DCAF1: variants seen among roughly 807,000 people sequenced by gnomAD.
DCAF1 encodes DDB1- and CUL4-associated factor 1.
In DCAF1, 15 loss-of-function variants were observed where a neutral mutation model predicts 128.0. The observed-to-expected ratio is 0.12, with a 90% CI of 0.08 to 0.18. The LOEUF is 0.18. DCAF1 is among the 10% of genes least tolerant of loss of function. The pLI, the probability that DCAF1 is intolerant of heterozygous loss-of-function variation, is 1.00. For synonymous variants in DCAF1, 610 were observed against 603.0 expected (o/e 1.01, Z -0.17); for missense variants, 988 against 1,649.5 (o/e 0.60, Z 6.95).
At chr3:51,446,892 G>A (rs4549265) in intron 6 of DCAF1, among the ~76,000 whole-genome samples, 5,718 of 149,848 alleles carry the variant, frequency 0.038, 387 homozygotes, top group African/African-American at 0.13. Flanking sequence ...CCCGGAAGGT[G>A]GAGATTGCAG....
upstream of DCAF1, chr3:51,500,118 A>G (rs1553663635): frequency 0.012 from 41 of 3,520 alleles, no homozygotes; most frequent in Non-Finnish European, 0.02. Context: ...CGATCGGGGA[A>G]AAAAAAAAAA....
intron 9 of DCAF1, chr3:51,436,283 T>A: frequency 2.7e-6 from 1 of 372,560 alleles, no homozygotes; most frequent in Non-Finnish European, 5.4e-6. Context: ...GAGATACATG[T>A]TACTCAGCAG....
intron 9 of DCAF1, among the ~76,000 whole-genome samples, chr3:51,436,998 C>T (rs1485698273): frequency 6.6e-6 from 1 of 152,180 alleles, no homozygotes; most frequent in Non-Finnish European, 1.5e-5. Context: ...TGCAGCGGCT[C>T]ACGCCTTTAA....
intron 3 of DCAF1, among the ~76,000 whole-genome samples, chr3:51,477,645 G>A (rs1340334812): frequency 1.3e-5 from 2 of 151,930 alleles, no homozygotes; most frequent in Admixed American, 6.6e-5. Flanking sequence ...TCAAAACCCA[G>A]GATTCTAACC....
At chr3:51,403,747 G>A (rs1342289404) in intron 23 of DCAF1, among the ~76,000 whole-genome samples, 1 of 152,144 alleles carries the variant, frequency 6.6e-6, no homozygotes, top group African/African-American at 2.4e-5. Flanking sequence ...AATCAGCTGA[G>A]ACACTAGAAA....
rs1553629023 is a variant in DCAF1, at chr3:51,413,047, C to T, written c.4056G>A (p.Arg1352=). 1.2e-6 allele frequency: 2 copies of T among 1,613,930 alleles called. No individual in the cohort carries two copies. Among genetic ancestry groups the T allele is most frequent in the Admixed American group, 3.3e-5 (2 of 60,016 alleles). Residue 1352 remains arginine (R), a synonymous_variant, in exon 22 of 25, where the codon CGG becomes CGA. Coordinates refer to ENST00000684031, the MANE Select transcript of DCAF1 (RefSeq NM_001387579.1). ...TGTCTGTACACAGGTCAAAGATGTT[C>T]CGTTTCACATCAATGGTTGCTGGAA... ...YKPIATIDVK[R]NIFDLCTDTK... is the part of the protein sequence containing the mutation.
Position 51,473,425 on chromosome 3 carries a change from CTTT to C in DCAF1, c.111-2423_111-2421del, listed in dbSNP as rs782196520. 8.2e-3 allele frequency among the ~76,000 whole-genome samples: 607 copies of C among 74,126 alleles called. 4 individuals carry two copies. The highest frequency in any genetic ancestry group is 0.03 in the African/African-American group (573 of 18,944). The allele number at this position is 74,126 out of a possible 152,430, so 48.6% of individuals were successfully genotyped here. On this transcript the variant is annotated intron_variant, in intron 3 of 24. Transcript: ENST00000684031. ...TTTCCAGGACACTATACTTTCTAGTCTTTTTTTTTTTTTTTTTTTTTAAGAAAC... is the reference window on the plus strand; with the variant it reads ...TTTCCAGGACACTATACTTTCTAGTCTTTTTTTTTTTTTTTTTTAAGAAAC...
At chr3:51,417,804 G>C (rs1471060759) in intron 17 of DCAF1, among the ~76,000 whole-genome samples, 4 of 150,988 alleles carry the variant, frequency 2.6e-5, no homozygotes, top group East Asian at 1.9e-4. Context: ...GGGAGGTGAG[G>C]GGGGAGGGGA....
rs782040570 is a variant in DCAF1 at position 51,420,582 on chromosome 3, C to T, written c.2388G>A (p.Gln796=). ...IQQLMKEPVL[Q]DKRSDHVKFC... ...ACTTGACATGGTCACTGCGCTTGTCCTGCAGCACAGGCTCCTTCATCAGCT... is the reference window on the plus strand; with the variant it reads ...ACTTGACATGGTCACTGCGCTTGTCTTGCAGCACAGGCTCCTTCATCAGCT... The change falls in exon 15 of 25, where the codon CAG becomes CAA. Residue 796 remains glutamine, a synonymous_variant. Transcript: ENST00000684031. This position sits in a 1 kb window ranked among gnomAD's most constrained non-coding sequence, Gnocchi z 6.5. 10 of 1,613,940 alleles carry T rather than the reference C, an allele frequency of 6.2e-6. No homozygotes were observed. The highest frequency in any genetic ancestry group is 3.3e-5 in the South Asian group (3 of 91,088).
chr3:51,491,912 C>T (rs367929694), intron 2 of DCAF1, among the ~76,000 whole-genome samples: 86 of 152,200 alleles, frequency 5.7e-4, no homozygotes, highest in African/African-American at 2.0e-3. Flanking sequence ...TATCCCAGCA[C>T]TGTGGGAGGC....
At chr3:51,502,264 G>A (rs1708838527), upstream of DCAF1, among the ~76,000 whole-genome samples, 1 of 152,180 alleles carries the variant, frequency 6.6e-6, no homozygotes, top group South Asian at 2.1e-4. Context: ...CCTGGTCAGA[G>A]CACTGTGGCT....
intron 17 of DCAF1, 115 bp from the exon 18 acceptor site, chr3:51,416,986 C>A: frequency 6.8e-7 from 1 of 1,473,272 alleles, no homozygotes; most frequent in Admixed American, 2.1e-5. Flanking sequence ...CCTAAAGATC[C>A]TGGACTCCCA....
intron 23 of DCAF1, among the ~76,000 whole-genome samples, chr3:51,407,983 T>TAAAAAAA (rs1559474297): frequency 6.7e-4 from 2 of 2,964 alleles, no homozygotes; most frequent in Non-Finnish European, 1.0e-3. Context: ...AGACTCCATC[T>TAAAAAAA]CAAAAAAAAA....
intron 2 of DCAF1, among the ~76,000 whole-genome samples, chr3:51,488,281 A>T (rs1433056417): frequency 6.6e-6 from 1 of 152,220 alleles, no homozygotes; most frequent in Non-Finnish European, 1.5e-5. Context: ...ACCAAAGCCA[A>T]ATAAAGATAT....
chr3:51,501,358 C>T (rs1708799099), upstream of DCAF1, among the ~76,000 whole-genome samples: 1 of 152,112 alleles, frequency 6.6e-6, no homozygotes, highest in Non-Finnish European at 1.5e-5. Flanking sequence ...TTACTCTGAC[C>T]AGCAGTCCCT....
chr3:51,454,312 C>T (rs1239592693), intron 6 of DCAF1, among the ~76,000 whole-genome samples: 3 of 152,142 alleles, frequency 2.0e-5, no homozygotes, highest in Non-Finnish European at 4.4e-5. Flanking sequence ...GCCTCACAAA[C>T]TCCTGGGATT....
chr3:51,492,010 G>A (rs1310389114), intron 2 of DCAF1, among the ~76,000 whole-genome samples: 2 of 151,506 alleles, frequency 1.3e-5, no homozygotes, highest in African/African-American at 4.9e-5. Context: ...CAAGAAATTG[G>A]CCAGGTGTGG....
At chr3:51,490,799 G>A (rs1290945170) in intron 2 of DCAF1, among the ~76,000 whole-genome samples, 4 of 151,966 alleles carry the variant, frequency 2.6e-5, no homozygotes, top group East Asian at 3.9e-4. Flanking sequence ...GGTGGCAGAC[G>A]CCTGTAATCC....
At chr3:51,401,347 A>G (rs1284305353) in intron 24 of DCAF1, among the ~76,000 whole-genome samples, 6 of 152,146 alleles carry the variant, frequency 3.9e-5, no homozygotes, top group Admixed American at 2.0e-4. Flanking sequence ...CTACTGCTCT[A>G]AAGGATTAGT....
Sources: gnomAD v4.1 joint callset for allele counts (sites outside exome capture counted in the v4.1 genomes callset) on GRCh38, gnomAD v4.1.1 for gene constraint, Gnocchi (gnomAD v3.1) non-coding constraint, MANE v1.5 for transcripts, NCBI Gene and HGNC (gene_info 2026-07-23, HGNC 2026-07-21) for gene names.